The following ZSCAN18 variants were observed in gnomAD, a reference collection of about 807,000 sequenced individuals.
ZSCAN18 encodes zinc finger and SCAN domain-containing protein 18.
Under a neutral mutation model 31.1 loss-of-function variants are expected in ZSCAN18, and 16 were observed. That is an observed-to-expected ratio of 0.51 (90% CI 0.35 to 0.78). The LOEUF is 0.78. Ranked by LOEUF, ZSCAN18 falls within the 30% of genes least tolerant of loss-of-function variation. The pLI is 0.01. For synonymous variants in ZSCAN18, 375 were observed against 320.7 expected (o/e 1.17, Z -1.81); for missense variants, 731 against 697.4 (o/e 1.05, Z -0.54).
intron 1 of ZSCAN18, among the ~76,000 whole-genome samples, chr19:58,094,836 A>C (rs547510585): frequency 1.0e-4 from 15 of 149,360 alleles, no homozygotes; most frequent in Non-Finnish European, 1.9e-4. Flanking sequence ...TGTGATCACA[A>C]CACCACATTG....
At chr19:58,116,037 G>T (rs1350149770) in intron 1 of ZSCAN18, among the ~76,000 whole-genome samples, 2 of 151,506 alleles carry the variant, frequency 1.3e-5, no homozygotes, top group African/African-American at 2.4e-5. Context: ...GAAGGCCGGT[G>T]TACTGAAAGC....
At chr19:58,114,998 T>C (rs12462540) in intron 1 of ZSCAN18, among the ~76,000 whole-genome samples, 31,597 of 152,158 alleles carry the variant, frequency 0.21, 3,648 homozygotes, top group Middle Eastern at 0.36. Flanking sequence ...AAAAAACAAC[T>C]ATGGAGTTAC....
chr19:58,090,283 C>T lies in ZSCAN18; in HGVS notation c.-16G>A. The T allele has an allele frequency of 6.2e-7, 1 of 1,613,490 alleles. No individual in the cohort carries two copies. Among genetic ancestry groups the T allele is most frequent in the Non-Finnish European group, 8.5e-7 (1 of 1,180,034 alleles). Reference sequence around the variant, plus strand: ...AAGGCAACATCTTTCCAAAACGGCACTGGAAAATGTGACTGTCTAGCCAGG... The same window carrying T: ...AAGGCAACATCTTTCCAAAACGGCATTGGAAAATGTGACTGTCTAGCCAGG... On this transcript the variant is annotated 5_prime_UTR_variant, in exon 2 of 7. In the 5' UTR this introduces an upstream ATG that the reference lacks. Transcript: ENST00000601144. The surrounding 1 kb of genome is among the most constrained non-coding windows in gnomAD (Gnocchi z 4.7).
intron 1 of ZSCAN18, among the ~76,000 whole-genome samples, chr19:58,112,239 T>C (rs1248800754): frequency 6.6e-6 from 1 of 152,152 alleles, no homozygotes; most frequent in Non-Finnish European, 1.5e-5. Context: ...TTTGCCACTT[T>C]GCCTAGTCTG....
chr19:58,116,965 G>C (rs1460266200), intron 1 of ZSCAN18, among the ~76,000 whole-genome samples: 3 of 152,108 alleles, frequency 2.0e-5, no homozygotes, highest in Non-Finnish European at 4.4e-5. Flanking sequence ...TTGGCTCACC[G>C]CAACTTCCGC....
chr19:58,087,210 T>A, intron 4 of ZSCAN18, 106 bp downstream of exon 4: 2 of 1,267,324 alleles, frequency 1.6e-6, no homozygotes, highest in Middle Eastern at 1.9e-4. Context: ...GCCTCAGCGC[T>A]GTGGACGTTT....
At chr19:58,105,691 A>G (rs916381613) in intron 1 of ZSCAN18, among the ~76,000 whole-genome samples, 1 of 151,526 alleles carries the variant, frequency 6.6e-6, no homozygotes, top group African/African-American at 2.4e-5. Context: ...AGAAGAATGC[A>G]GTTTGCAGCT....
rs149954202 is a variant in ZSCAN18, at chr19:58,108,874, T to A, written c.130+9393A>T. 5.5e-3 allele frequency: 5,566 copies of A among 1,005,408 alleles called. 18 individuals are homozygous for A. The highest frequency in any genetic ancestry group is 8.4e-3 in the Middle Eastern group (17 of 2,034). The allele number at this position is 1,005,408 out of a possible 1,614,324, so 62.3% of individuals were successfully genotyped here. ...TCTCCTTGTTAGATCTTCATCAAGG[T>A]GGCTAGGTTGTCCACCCTGGCTGAT... is the stretch of plus-strand genomic sequence containing the variant. On this transcript the variant is annotated intron_variant, in intron 1 of 1. Coordinates refer to the ZSCAN18 transcript ENST00000595721.
chr19:58,099,842 A>G (rs991949357), upstream of ZSCAN18, among the ~76,000 whole-genome samples: 3 of 152,188 alleles, frequency 2.0e-5, no homozygotes, highest in Middle Eastern at 3.2e-3. Flanking sequence ...TTAATTGCTA[A>G]CAAGTTTGAG....
At chr19:58,109,726 A>G (rs1454708665) in intron 1 of ZSCAN18, among the ~76,000 whole-genome samples, 1 of 152,182 alleles carries the variant, frequency 6.6e-6, no homozygotes, top group East Asian at 1.9e-4. Flanking sequence ...ACATTTATGT[A>G]TTTTTTAGCA....
chr19:58,085,313 G>A lies in ZSCAN18; in HGVS notation c.905C>T (p.Pro302Leu), dbSNP rs538394193. ...CEEAAPAGVL[P>L]ELPTEAPPGD... Reference sequence around the variant, plus strand: ...AGGGGGCGCCTCCGTAGGCAGCTCAGGCAGCACCCCCGCGGGGGCGGCCTC... The same window carrying A: ...AGGGGGCGCCTCCGTAGGCAGCTCAAGCAGCACCCCCGCGGGGGCGGCCTC... The change falls in exon 7 of 7, where the codon CCT becomes CTT. Residue 302 changes from proline to leucine, a missense_variant. Physicochemically the swap from Pro to Leu is moderately conservative, Grantham distance 98. This residue lies in a region of ZSCAN18 where 597 missense variants were observed against 499.5 expected (regional missense o/e 1.20). Coordinates refer to ENST00000601144, the MANE Select transcript of ZSCAN18 (RefSeq NM_001145543.2). 5.6e-6 allele frequency: 9 copies of A among 1,597,972 alleles called. No homozygotes were observed. The highest frequency in any genetic ancestry group is 1.3e-5 in the African/African-American group (1 of 74,796).
At chr19:58,113,117 C>A (rs2074700520) in intron 1 of ZSCAN18, among the ~76,000 whole-genome samples, 1 of 151,502 alleles carries the variant, frequency 6.6e-6, no homozygotes, top group South Asian at 2.1e-4. Context: ...AGATCGAGAC[C>A]ATCCTGGCTA....
intron 1 of ZSCAN18, among the ~76,000 whole-genome samples, chr19:58,117,658 G>T (rs1280250259): frequency 6.6e-6 from 1 of 151,530 alleles, no homozygotes; most frequent in East Asian, 1.9e-4. Flanking sequence ...CCGCACCTGT[G>T]CAGGAAGAGA....
upstream of ZSCAN18, chr19:58,098,439 C>T (rs1308758106): frequency 2.1e-6 from 2 of 939,362 alleles, no homozygotes; most frequent in Non-Finnish European, 1.3e-6. Flanking sequence ...AGTAAACAAG[C>T]GGGTAAATAA....
At chr19:58,114,941 G>C (rs552399223) in intron 1 of ZSCAN18, among the ~76,000 whole-genome samples, 2 of 152,244 alleles carry the variant, frequency 1.3e-5, no homozygotes, top group East Asian at 3.8e-4. Flanking sequence ...AGAGACGGTT[G>C]TAAGTGTTCA....
chr19:58,094,240 A>AC (rs1313003153), intron 1 of ZSCAN18, among the ~76,000 whole-genome samples: 1 of 138,496 alleles, frequency 7.2e-6, no homozygotes, highest in African/African-American at 2.8e-5. Context: ...TACTAAAAAT[A>AC]CAAAAAAAAA....
rs551941625 is a variant in ZSCAN18 at position 58,114,420 on chromosome 19, G to C, written c.130+3847C>G. 6.9e-5 allele frequency among the ~76,000 whole-genome samples: 9 copies of C among 131,130 alleles called. No individual in the cohort carries two copies. In the East Asian group the frequency reaches 1.1e-3, roughly 15 times the overall value. The allele number at this position is 131,130 out of a possible 152,430, so 86.0% of individuals were successfully genotyped here. On this transcript the variant is annotated intron_variant, in intron 1 of 1. Transcript: ENST00000595721. ...ATGCAAAAGAATGTCTTTATTCTTA[G>C]AATGTATGTGCCAACATATTTATGA...
At chr19:58,109,236 C>A (rs2074659925) in intron 1 of ZSCAN18, 1 of 1,231,682 alleles carries the variant, frequency 8.1e-7, no homozygotes, top group Non-Finnish European at 1.0e-6. Flanking sequence ...TTTATTTTCA[C>A]CAAATTGGAT....
chr19:58,107,558 T>G, intron 1 of ZSCAN18: 1 of 712,226 alleles, frequency 1.4e-6, no homozygotes. Context: ...TGAAACTCTG[T>G]CTCAAAAATA....
Sources: allele counts gnomAD v4.1 joint callset (sites outside exome capture counted in the v4.1 genomes callset), GRCh38; gene constraint gnomAD v4.1.1; regional missense constraint gnomAD v4.1.1; non-coding constraint Gnocchi (gnomAD v3.1); transcripts MANE v1.5; gene names NCBI Gene and HGNC (gene_info 2026-07-23, HGNC 2026-07-21).